The following PTPRT variants were observed in gnomAD, a reference collection of about 807,000 sequenced individuals.
PTPRT encodes protein tyrosine phosphatase receptor type T, also known as receptor-type tyrosine-protein phosphatase T.
In PTPRT, 56 loss-of-function variants were observed where a neutral mutation model predicts 176.8. The observed-to-expected ratio is 0.32, with a 90% CI of 0.26 to 0.40. PTPRT has a LOEUF of 0.40. PTPRT is among the 10% of genes least tolerant of loss of function. PTPRT has a pLI of 1.00. For missense variants in PTPRT, 1,540 were observed against 1,908.2 expected, an observed-to-expected ratio of 0.81 and a Z score of 3.60; for synonymous variants, 783 against 739.0, an observed-to-expected ratio of 1.06 and a Z score of -0.96.
chr20:42,128,143 CT>C (rs1194768812), intron 19 of PTPRT, among the ~76,000 whole-genome samples: 1 of 152,174 alleles, frequency 6.6e-6, no homozygotes, highest in Non-Finnish European at 1.5e-5. Flanking sequence ...TTGTGCTATT[CT>C]CTCTAACTAG....
At chr20:42,098,278 C>T in intron 27 of PTPRT, 143 bp downstream of exon 27, 1 of 1,165,588 alleles carries the variant, frequency 8.6e-7, no homozygotes, top group Admixed American at 2.6e-5. Flanking sequence ...AATGGCTTGT[C>T]TGATGCTCGT....
intron 6 of PTPRT, among the ~76,000 whole-genome samples, chr20:42,708,134 T>C (rs2076088815): frequency 6.6e-6 from 1 of 152,182 alleles, no homozygotes; most frequent in African/African-American, 2.4e-5. Flanking sequence ...AAAATGGTAC[T>C]CTCTTCTGAT....
chr20:42,584,503 T>G (rs1257262627), intron 7 of PTPRT, among the ~76,000 whole-genome samples: 1 of 152,182 alleles, frequency 6.6e-6, no homozygotes, highest in Admixed American at 6.5e-5. Context: ...TTTCAGTCAA[T>G]CAGAGAGGTC....
At chr20:42,396,851 C>G (rs778616731) in intron 9 of PTPRT, among the ~76,000 whole-genome samples, 1 of 152,200 alleles carries the variant, frequency 6.6e-6, no homozygotes, top group Non-Finnish European at 1.5e-5. Context: ...AGCCACTGAG[C>G]CCGGTCACTT....
At chr20:42,776,674 T>C (rs571067556) in intron 4 of PTPRT, among the ~76,000 whole-genome samples, 79 of 151,474 alleles carry the variant, frequency 5.2e-4, no homozygotes, top group African/African-American at 1.9e-3. Context: ...TAACGCACTG[T>C]CTGTGCATAT....
At chr20:42,956,299 A>G (rs1453678013) in intron 1 of PTPRT, among the ~76,000 whole-genome samples, 1 of 152,138 alleles carries the variant, frequency 6.6e-6, no homozygotes, top group Admixed American at 6.5e-5. Flanking sequence ...TGGGATCCTC[A>G]TGAATGGTTC....
intron 3 of PTPRT, among the ~76,000 whole-genome samples, chr20:42,781,399 T>C (rs906974402): frequency 6.6e-6 from 1 of 152,024 alleles, no homozygotes; most frequent in Non-Finnish European, 1.5e-5. Context: ...GGGGCTGACT[T>C]CTAACTTTTT....
chr20:42,115,856 T>C (rs1381636793), intron 21 of PTPRT, among the ~76,000 whole-genome samples: 1 of 151,602 alleles, frequency 6.6e-6, no homozygotes, highest in African/African-American at 2.4e-5. Context: ...CAGTTGGGGG[T>C]CTGGAAGGAG....
At chr20:42,036,127 T>C in the PTPRT span, among the ~76,000 whole-genome samples, 1 of 152,182 alleles carries the variant, frequency 6.6e-6, no homozygotes, top group Non-Finnish European at 1.5e-5. Context: ...GTGAGGAATC[T>C]AGAAAATTTA....
intron 2 of PTPRT, among the ~76,000 whole-genome samples, chr20:42,872,476 A>G (rs2078861833): frequency 6.6e-6 from 1 of 152,230 alleles, no homozygotes; most frequent in Non-Finnish European, 1.5e-5. Flanking sequence ...ATTGTACGTC[A>G]GGTGCCCTAC....
In PTPRT at chr20:42,075,904, C is replaced by T. The variant is rs1982721944; in HGVS notation, c.*4975G>A. 9.6e-6 allele frequency: 2 copies of T among 208,810 alleles called. No individual in the cohort carries two copies. The highest frequency in any genetic ancestry group is 1.9e-5 in the Non-Finnish European group (2 of 102,592). 12.9% of individuals were successfully genotyped at this position (208,810 alleles called of 1,614,324 possible). The stretch of plus-strand genomic sequence containing the variant: ...TCCAAGTGGCTCTGGCAAGCTGTTA[C>T]CCATCCTTTCTCCAGCTATGTCACA... On this transcript the variant is annotated 3_prime_UTR_variant, in exon 31 of 31. Transcript: ENST00000373187.
At chr20:43,115,202 AATTCCAAT>A (rs2013012273) in intron 1 of PTPRT, among the ~76,000 whole-genome samples, 2 of 152,112 alleles carry the variant, frequency 1.3e-5, no homozygotes, top group South Asian at 4.1e-4. Context: ...AAAGATGCCC[AATTCCAAT>A]ATTCCTGCCC....
At chr20:43,168,403 G>A (rs1055204175) in intron 1 of PTPRT, among the ~76,000 whole-genome samples, 2 of 152,146 alleles carry the variant, frequency 1.3e-5, no homozygotes, top group Admixed American at 1.3e-4. Flanking sequence ...CTGAGCCATG[G>A]ACTTTCCCAG....
At chr20:43,182,737 G>T (rs1008167562) in intron 1 of PTPRT, among the ~76,000 whole-genome samples, 37 of 152,044 alleles carry the variant, frequency 2.4e-4, no homozygotes, top group Admixed American at 5.9e-4. Context: ...AACTATTAGC[G>T]TGAAGTTCCT....
chr20:42,724,147 T>C (rs183085471), intron 6 of PTPRT, among the ~76,000 whole-genome samples: 4 of 152,336 alleles, frequency 2.6e-5, no homozygotes, highest in Admixed American at 2.0e-4. Context: ...GGCAAAGCAA[T>C]AAAATCCTTG....
intron 1 of PTPRT, among the ~76,000 whole-genome samples, chr20:42,967,178 T>A (rs1018455272): frequency 1.3e-4 from 20 of 152,218 alleles, no homozygotes; most frequent in Non-Finnish European, 2.1e-4. Context: ...CTTTGGTAGC[T>A]GCAGTGGGTT....
At chr20:43,005,928 C>T (rs1984835055) in intron 1 of PTPRT, among the ~76,000 whole-genome samples, 1 of 152,046 alleles carries the variant, frequency 6.6e-6, no homozygotes, top group African/African-American at 2.4e-5. Flanking sequence ...ACAAGCCCAA[C>T]AAGAGGAAAA....
rs570590784 is a variant in PTPRT at position 42,540,849 on chromosome 20, C to T, written c.1154-68287G>A. Among the ~76,000 whole-genome samples, 6 of 152,098 alleles carry T rather than the reference C, an allele frequency of 3.9e-5. No individual in the cohort carries two copies. The South Asian group carries it at 1.2e-3, about 32-fold the overall frequency. ...TGATCTAGCCAAAATTAGGATATAA[C>T]TTCATCGGGAGGATGGGGAAGGTAG... On this transcript the variant is annotated intron_variant, in intron 7 of 30. Coordinates refer to ENST00000373187, the MANE Select transcript of PTPRT (RefSeq NM_007050.6).
chr20:42,115,428 G>A (rs1022264501), intron 21 of PTPRT, 113 bp from the exon 22 acceptor site: 2 of 807,520 alleles, frequency 2.5e-6, no homozygotes, highest in African/African-American at 1.7e-5. Context: ...ATAAACCCAA[G>A]GGTGACTTTG....
Sources: allele counts gnomAD v4.1 joint callset (sites outside exome capture counted in the v4.1 genomes callset), GRCh38; gene constraint gnomAD v4.1.1; transcripts MANE v1.5; gene names NCBI Gene and HGNC (gene_info 2026-07-23, HGNC 2026-07-21).